Variants in CNBD1 observed in about 807,000 individuals in gnomAD.
CNBD1 encodes the protein cyclic nucleotide-binding domain-containing protein 1.
In CNBD1, 71 loss-of-function variants were observed where a neutral mutation model predicts 54.4. The observed-to-expected ratio is 1.30, with a 90% CI of 1.08 to 1.59. CNBD1 has a LOEUF of 1.59. Among genes scored for constraint, CNBD1 ranks in the 40% most tolerant of loss-of-function variants. The pLI is 0.00. For missense variants in CNBD1, 659 were observed against 518.0 expected, an observed-to-expected ratio of 1.27 and a Z score of -2.64; for synonymous variants, 182 against 170.7, an observed-to-expected ratio of 1.07 and a Z score of -0.51.
intron 2 of CNBD1, among the ~76,000 whole-genome samples, chr8:87,418,495 A>G (rs1439715942): frequency 3.9e-5 from 6 of 151,970 alleles, no homozygotes; most frequent in Admixed American, 3.3e-4. Context: ...ACAACCAAAG[A>G]AAGACTAGAT....
At chr8:87,423,289 C>G (rs900726736) in intron 2 of CNBD1, among the ~76,000 whole-genome samples, 14 of 149,224 alleles carry the variant, frequency 9.4e-5, no homozygotes, top group African/African-American at 3.2e-4. Flanking sequence ...CCTAATTGCC[C>G]TGGCCAGAAC....
At chr8:87,044,100 G>C (rs1272592865) in intron 4 of CNBD1, among the ~76,000 whole-genome samples, 1 of 152,132 alleles carries the variant, frequency 6.6e-6, no homozygotes, top group Non-Finnish European at 1.5e-5. Flanking sequence ...TTATTTTCAA[G>C]ACTTAATATT....
chr8:87,335,814 T>C (rs372457627), intron 8 of CNBD1, among the ~76,000 whole-genome samples: 13 of 152,298 alleles, frequency 8.5e-5, no homozygotes, highest in African/African-American at 3.1e-4. Context: ...GGTCTTTATA[T>C]TTTTTGTGTG....
At chr8:87,052,456 T>C (rs1160799940) in intron 4 of CNBD1, among the ~76,000 whole-genome samples, 3 of 152,230 alleles carry the variant, frequency 2.0e-5, no homozygotes, top group Non-Finnish European at 4.4e-5. Flanking sequence ...GTTAAGCGAT[T>C]TGGCCCTGAT....
At chr8:87,410,992 G>T (rs1807731530) in intron 2 of CNBD1, among the ~76,000 whole-genome samples, 1 of 151,966 alleles carries the variant, frequency 6.6e-6, no homozygotes, top group African/African-American at 2.4e-5. Context: ...TACTGCTATT[G>T]CACTTAATAG....
chr8:86,943,883 TG>T (rs1413339992), intron 4 of CNBD1, among the ~76,000 whole-genome samples: 2 of 151,976 alleles, frequency 1.3e-5, no homozygotes, highest in Non-Finnish European at 2.9e-5. Context: ...AACTAGATGC[TG>T]GAGATACAAA....
In CNBD1 at chr8:87,087,232, C is replaced by CACATATATATATACGTATATATATATAT. The variant is rs1240323829; in HGVS notation, c.432-118731_432-118704dup. Among the ~76,000 whole-genome samples the CACATATATATATACGTATATATATATAT allele has an allele frequency of 2.9e-3, 409 of 141,482 alleles. 4 individuals carry two copies. Among genetic ancestry groups the CACATATATATATACGTATATATATATAT allele is most frequent in the Middle Eastern group, 0.016 (4 of 256 alleles). 92.8% of individuals were successfully genotyped at this position (141,482 alleles called of 152,430 possible). A position where few individuals can be genotyped will look rare whatever the true frequency, so the allele number is the denominator to read the frequency against. ...CCCCAGTATCTATTCTACACACACACACATATATATATACGTATATATATA... is the reference window on the plus strand; with the variant it reads ...CCCCAGTATCTATTCTACACACACACACATATATATATACGTATATATATATATACATATATATATACGTATATATATA... On this transcript the variant is annotated intron_variant, in intron 4 of 10. Coordinates refer to ENST00000518476, the MANE Select transcript of CNBD1 (RefSeq NM_173538.3).
At chr8:87,137,301 A>C (rs184807014) in intron 4 of CNBD1, among the ~76,000 whole-genome samples, 1 of 150,432 alleles carries the variant, frequency 6.6e-6, no homozygotes, top group Non-Finnish European at 1.5e-5. Flanking sequence ...GGTTCACACT[A>C]TTCTCCTGCC....
intron 2 of CNBD1, among the ~76,000 whole-genome samples, chr8:87,390,084 T>C (rs944277651): frequency 3.3e-5 from 5 of 150,768 alleles, no homozygotes; most frequent in Non-Finnish European, 5.9e-5. Flanking sequence ...TTACACCTTA[T>C]ACAAAAATTA....
intron 2 of CNBD1, among the ~76,000 whole-genome samples, chr8:87,412,044 C>CT (rs907067020): frequency 2.1e-4 from 32 of 151,954 alleles, no homozygotes; most frequent in Non-Finnish European, 3.8e-4. Flanking sequence ...CACAAATACC[C>CT]TTTTTTGATA....
At chr8:87,100,324 A>G (rs1407597480) in intron 4 of CNBD1, among the ~76,000 whole-genome samples, 2 of 152,222 alleles carry the variant, frequency 1.3e-5, no homozygotes, top group African/African-American at 4.8e-5. Flanking sequence ...ATATTTGACG[A>G]AACTGAATAA....
intron 8 of CNBD1, among the ~76,000 whole-genome samples, chr8:87,333,900 A>G (rs1000711762): frequency 5.3e-5 from 8 of 152,106 alleles, no homozygotes; most frequent in African/African-American, 1.9e-4. Context: ...GTTAGGGAGG[A>G]GTCCCTCCTT....
chr8:86,948,643 A>T (rs1388783868), intron 4 of CNBD1, among the ~76,000 whole-genome samples: 1 of 152,034 alleles, frequency 6.6e-6, no homozygotes, highest in African/African-American at 2.4e-5. Flanking sequence ...TGAGCTTCTT[A>T]TCTATTCTGG....
chr8:87,238,856 C>T (rs1278001741), intron 6 of CNBD1, among the ~76,000 whole-genome samples: 1 of 152,032 alleles, frequency 6.6e-6, no homozygotes, highest in Non-Finnish European at 1.5e-5. Context: ...TTTCCTCTTC[C>T]TTTTATTGTA....
chr8:87,012,686 G>T (rs1303926497), intron 4 of CNBD1, among the ~76,000 whole-genome samples: 1 of 152,062 alleles, frequency 6.6e-6, no homozygotes, highest in Non-Finnish European at 1.5e-5. Flanking sequence ...ATAAAACTTG[G>T]TCTCCACAGT....
chr8:86,924,137 A>G (rs943101724), intron 3 of CNBD1, among the ~76,000 whole-genome samples: 2 of 152,198 alleles, frequency 1.3e-5, no homozygotes, highest in African/African-American at 4.8e-5. Flanking sequence ...TAGATGCCCC[A>G]TTCATTACTT....
At chr8:87,337,918 C>T (rs538630142) in intron 8 of CNBD1, among the ~76,000 whole-genome samples, 1 of 152,280 alleles carries the variant, frequency 6.6e-6, no homozygotes, top group Non-Finnish European at 1.5e-5. Context: ...GCCATCTTGA[C>T]CCCACCCACC....
intron 4 of CNBD1, among the ~76,000 whole-genome samples, chr8:87,177,586 C>G (rs1187545578): frequency 6.6e-6 from 1 of 152,158 alleles, no homozygotes; most frequent in East Asian, 1.9e-4. Flanking sequence ...CCTAAAACCA[C>G]TGACACAGAG....
At position 87,402,804 on chromosome 8, in the gene CNBD1, G is replaced by A. The variant is rs78368989; in HGVS notation, c.214-25742G>A. Among the ~76,000 whole-genome samples the A allele has an allele frequency of 1.1e-3, 173 of 152,164 alleles. 5 individuals carry two copies. The East Asian group carries it at 0.03, about 26-fold the overall frequency. On this transcript the variant is annotated intron_variant, in intron 2 of 7. Transcript: ENST00000521593. ...AGATATATGTGGAGTAGAACAAAAT[G>A]TGAAAATGAGAGCAGAAAATAGAAT...
Sources: allele counts gnomAD v4.1 joint callset (sites outside exome capture counted in the v4.1 genomes callset), GRCh38; gene constraint gnomAD v4.1.1; transcripts MANE v1.5; gene names NCBI Gene and HGNC (gene_info 2026-07-23, HGNC 2026-07-21).